NEGR1: variants seen among roughly 807,000 people sequenced by gnomAD.
NEGR1 encodes IgLON family member 4.
Under a neutral mutation model 40.9 loss-of-function variants are expected in NEGR1, and 10 were observed. The observed-to-expected ratio is 0.24, with a 90% CI of 0.15 to 0.42. The LOEUF (loss-of-function observed/expected upper bound fraction) is 0.42, where lower values mean the gene tolerates loss of function less well. Among genes scored for constraint, NEGR1 ranks in the 10% least tolerant of loss-of-function variants. The probability of loss-of-function intolerance (pLI) is 1.00; values close to 1 mark genes in which losing one functional copy is unlikely to be tolerated. For synonymous variants in NEGR1, 185 were observed against 166.8 expected (o/e 1.11, Z -0.84); for missense variants, 352 against 438.9 (o/e 0.80, Z 1.77).
At position 72,040,577 on chromosome 1, in the gene NEGR1, CAAAAAAAAAAAAAAAAAAAAAAAA is replaced by C. The variant is rs5775102; in HGVS notation, c.177-105290_177-105267del. 1.4e-3 allele frequency among the ~76,000 whole-genome samples: 43 copies of C among 29,718 alleles called. No individual in the cohort carries two copies. The South Asian group carries it at 0.076, about 52-fold the overall frequency. 19.5% of individuals were successfully genotyped at this position (29,718 alleles called of 152,430 possible). A position where few individuals can be genotyped will look rare whatever the true frequency, so the allele number is the denominator to read the frequency against. ...TGGCAAGCACAGTAAGAGCACTGAC[CAAAAAAAAAAAAAAAAAAAAAAAA>C]AAAAAAAAAATCAGAGAATAAGTCC... On this transcript the variant is annotated intron_variant, in intron 1 of 6. Coordinates refer to ENST00000357731, the MANE Select transcript of NEGR1 (RefSeq NM_173808.3).
At chr1:72,098,203 A>G (rs1319942905) in intron 1 of NEGR1, among the ~76,000 whole-genome samples, 2 of 152,164 alleles carry the variant, frequency 1.3e-5, no homozygotes, top group Admixed American at 6.5e-5. Context: ...ACCATGACAA[A>G]TCAAACAACT....
intron 1 of NEGR1, among the ~76,000 whole-genome samples, chr1:72,104,167 C>A (rs1205947780): frequency 6.6e-6 from 1 of 151,820 alleles, no homozygotes; most frequent in Non-Finnish European, 1.5e-5. Flanking sequence ...GCTGAAAGCC[C>A]CTCCCAAAGA....
chr1:71,437,296 G>A (rs1646515982), intron 6 of NEGR1, among the ~76,000 whole-genome samples: 1 of 152,036 alleles, frequency 6.6e-6, no homozygotes, highest in Admixed American at 6.6e-5. Context: ...GATAACTAAA[G>A]GGTAAAATGT....
intron 2 of NEGR1, among the ~76,000 whole-genome samples, chr1:71,825,996 G>C (rs1658608747): frequency 6.6e-6 from 1 of 151,754 alleles, no homozygotes; most frequent in Non-Finnish European, 1.5e-5. Flanking sequence ...CCAGGTATTG[G>C]CATTCTCAGC....
intron 2 of NEGR1, among the ~76,000 whole-genome samples, chr1:71,913,945 G>A (rs1331506164): frequency 6.6e-6 from 1 of 151,646 alleles, no homozygotes; most frequent in Non-Finnish European, 1.5e-5. Flanking sequence ...TAATCCCTCA[G>A]TGATAAGCTT....
chr1:72,193,933 T>C (rs1652910950), intron 1 of NEGR1, among the ~76,000 whole-genome samples: 1 of 151,682 alleles, frequency 6.6e-6, no homozygotes, highest in Non-Finnish European at 1.5e-5. Context: ...CAGTTAGAGA[T>C]AAAATATAGG....
intron 4 of NEGR1, among the ~76,000 whole-genome samples, chr1:71,674,881 G>A (rs548666460): frequency 6.2e-4 from 94 of 151,368 alleles, no homozygotes; most frequent in African/African-American, 2.1e-3. Flanking sequence ...TCTGGCATAG[G>A]ATATATTTGT....
intron 2 of NEGR1, among the ~76,000 whole-genome samples, chr1:71,836,281 G>T (rs960537009): frequency 1.4e-4 from 22 of 151,738 alleles, no homozygotes; most frequent in African/African-American, 5.3e-4. Context: ...GTGAAATCTG[G>T]TCTCTACTGA....
At chr1:71,704,202 C>A (rs1475291040) in intron 3 of NEGR1, among the ~76,000 whole-genome samples, 3 of 144,160 alleles carry the variant, frequency 2.1e-5, no homozygotes, top group Non-Finnish European at 4.6e-5. Context: ...CACACACACA[C>A]AAGATTTAAA....
At chr1:71,645,148 T>C (rs1054538044) in intron 4 of NEGR1, among the ~76,000 whole-genome samples, 1 of 151,950 alleles carries the variant, frequency 6.6e-6, no homozygotes, top group East Asian at 1.9e-4. Context: ...CTTTTCAGTT[T>C]TGCTTTTTTC....
rs190113578 is a variant in NEGR1 at position 71,634,869 on chromosome 1, T to C, written c.668-23723A>G. Among the ~76,000 whole-genome samples the C allele has an allele frequency of 2.0e-3, 306 of 152,228 alleles. 1 individual carries two copies. Among genetic ancestry groups the C allele is most frequent in the Non-Finnish European group, 3.3e-3 (226 of 68,004 alleles). On this transcript the variant is annotated intron_variant, in intron 4 of 6. Transcript: ENST00000357731. ...TTATTATTAAAATAGTCCATCTCTA[T>C]GGATGAAGGTTGAGAAGCAATTCAA...
intron 5 of NEGR1, among the ~76,000 whole-genome samples, chr1:71,594,895 C>T (rs1253575859): frequency 3.9e-5 from 6 of 152,146 alleles, no homozygotes; most frequent in African/African-American, 1.2e-4. Context: ...CTACTAAATC[C>T]CTGTTGTGCT....
At chr1:72,223,448 A>T (rs2100486467) in intron 1 of NEGR1, among the ~76,000 whole-genome samples, 1 of 152,306 alleles carries the variant, frequency 6.6e-6, no homozygotes, top group African/African-American at 2.4e-5. Context: ...TCTTTGGATA[A>T]TGTTATTATA....
intron 6 of NEGR1, among the ~76,000 whole-genome samples, chr1:71,469,430 C>T (rs1646768074): frequency 6.6e-6 from 1 of 152,018 alleles, no homozygotes; most frequent in South Asian, 2.1e-4. Flanking sequence ...GACTTTACTT[C>T]TGGTCATTTT....
chr1:72,044,358 A>G (rs1646982583), intron 1 of NEGR1, among the ~76,000 whole-genome samples: 1 of 151,264 alleles, frequency 6.6e-6, no homozygotes, highest in African/African-American at 2.4e-5. Flanking sequence ...AGAGAAAATG[A>G]AAAACTAATA....
intron 3 of NEGR1, among the ~76,000 whole-genome samples, chr1:71,729,428 T>G (rs922964976): frequency 1.3e-5 from 2 of 152,186 alleles, no homozygotes; most frequent in East Asian, 3.8e-4. Context: ...TGCTTAATAT[T>G]TATCTTCTGT....
chr1:72,097,006 T>C (rs1252826418), intron 1 of NEGR1, among the ~76,000 whole-genome samples: 2 of 152,154 alleles, frequency 1.3e-5, no homozygotes, highest in African/African-American at 4.8e-5. Flanking sequence ...TAAAAGTCCA[T>C]GTAACTAGAT....
At position 71,909,394 on chromosome 1, in the gene NEGR1, A is replaced by G. The variant is rs76522347; in HGVS notation, c.409+25685T>C. Among the ~76,000 whole-genome samples the G allele has an allele frequency of 5.4e-3, 823 of 152,324 alleles. 7 individuals carry two copies. The highest frequency in any genetic ancestry group is 0.019 in the African/African-American group (770 of 41,568). ...ATATTTCTTCAAAGATAAATCCTGGACTAAACCATAGCCTTTTAATGTTTC... is the reference window on the plus strand; with the variant it reads ...ATATTTCTTCAAAGATAAATCCTGGGCTAAACCATAGCCTTTTAATGTTTC... On this transcript the variant is annotated intron_variant, in intron 2 of 6. Transcript: ENST00000357731.
chr1:71,747,090 T>C (rs536500969), intron 3 of NEGR1, among the ~76,000 whole-genome samples: 1 of 152,314 alleles, frequency 6.6e-6, no homozygotes, highest in South Asian at 2.1e-4. Flanking sequence ...ATCTTACTTA[T>C]GACTATTTCC....
Sources: allele counts gnomAD v4.1 joint callset (sites outside exome capture counted in the v4.1 genomes callset), GRCh38; gene constraint gnomAD v4.1.1; transcripts MANE v1.5; gene names NCBI Gene and HGNC (gene_info 2026-07-23, HGNC 2026-07-21).